SLC5A11: variants seen among roughly 807,000 people sequenced by gnomAD.
The protein encoded by SLC5A11 is solute carrier family 5 member 11.
In SLC5A11, 48 loss-of-function variants were observed where a neutral mutation model predicts 69.8. The ratio of observed to expected loss-of-function variants is 0.69; its 90% CI spans 0.55 to 0.87. The LOEUF (loss-of-function observed/expected upper bound fraction) is 0.87. SLC5A11 is among the 40% of genes least tolerant of loss of function. The pLI, the probability that SLC5A11 is intolerant of heterozygous loss-of-function variation, is 0.00. For synonymous variants in SLC5A11, 319 were observed against 342.4 expected (o/e 0.93, Z 0.75); for missense variants, 784 against 866.1 (o/e 0.91, Z 1.19).
chr16:24,906,196 C>G (rs975687007), intron 10 of SLC5A11, among the ~76,000 whole-genome samples: 1 of 151,936 alleles, frequency 6.6e-6, no homozygotes, highest in African/African-American at 2.4e-5. Context: ...CAAAAATTAG[C>G]CGGGCATGGT....
chr16:24,907,876 AC>A, intron 12 of SLC5A11, 86 bp from the exon 14 acceptor site: 2 of 1,542,298 alleles, frequency 1.3e-6, no homozygotes, highest in Non-Finnish European at 1.8e-6. Context: ...ACAGAACAAG[AC>A]CCTGTCTATT....
intron 9 of SLC5A11, among the ~76,000 whole-genome samples, chr16:24,895,855 G>C (rs1336489702): frequency 6.6e-6 from 1 of 152,126 alleles, no homozygotes; most frequent in African/African-American, 2.4e-5. Context: ...CAGTCCCATG[G>C]ACTCTGCAGA....
intron 1 of SLC5A11, among the ~76,000 whole-genome samples, chr16:24,856,001 G>T (rs939807634): frequency 1.8e-4 from 27 of 152,188 alleles, no homozygotes; most frequent in African/African-American, 5.8e-4. Context: ...CATCAAGGCT[G>T]CCCCCTGTCT....
chr16:24,870,118 C>T (rs911251979), intron 4 of SLC5A11, 113 bp downstream of exon 5: 14 of 732,922 alleles, frequency 1.9e-5, no homozygotes, highest in Admixed American at 2.3e-5. Flanking sequence ...TGGGGCCAGG[C>T]GCGGTGGCTC....
chr16:24,894,559 T>C (rs181215263), intron 9 of SLC5A11, among the ~76,000 whole-genome samples: 2 of 152,006 alleles, frequency 1.3e-5, no homozygotes, highest in Admixed American at 1.3e-4. Flanking sequence ...CCCAGCACTT[T>C]GGGAGGCTGA....
chr16:24,889,632 A>C (rs1355614081), intron 8 of SLC5A11, among the ~76,000 whole-genome samples: 1 of 133,512 alleles, frequency 7.5e-6, no homozygotes, highest in Non-Finnish European at 1.5e-5. Context: ...GCCTCACTGC[A>C]ACCTCTACCT....
intron 1 of SLC5A11, among the ~76,000 whole-genome samples, chr16:24,849,621 T>TATATATATATATATATATCTGC (rs1460290781): frequency 6.5e-5 from 8 of 123,716 alleles, no homozygotes; most frequent in African/African-American, 2.5e-4. Flanking sequence ...TATATATATA[T>TATATATATATATATATATCTGC]ATCCATGAGA....
At position 24,858,773 on chromosome 16, in the gene SLC5A11, C is replaced by CTA. The variant is rs777116291; in HGVS notation, c.132_133dup (p.Trp45TyrfsTer5). On this transcript the variant is annotated frameshift_variant, in exon 2 of 16. Transcript: ENST00000347898. LOFTEE classifies it high-confidence loss of function. ...CTTCCTCTTTGTCCTGGCTGTTGGA[C>CTA]TATGGGTAAGCCAGGCCACTGGGGG... 6.2e-7 allele frequency: 1 copy of CTA among 1,611,040 alleles called. No individual in the cohort carries two copies. Among genetic ancestry groups the CTA allele is most frequent in the Admixed American group, 1.7e-5 (1 of 59,670 alleles).
At chr16:24,892,361 C>T (rs556844115) in intron 9 of SLC5A11, among the ~76,000 whole-genome samples, 5 of 148,476 alleles carry the variant, frequency 3.4e-5, no homozygotes, top group South Asian at 2.1e-4. Context: ...ACACCCAGAG[C>T]GAGGCAGATA....
chr16:24,884,408 G>A (rs2048257433), intron 8 of SLC5A11, among the ~76,000 whole-genome samples: 2 of 152,022 alleles, frequency 1.3e-5, no homozygotes, highest in African/African-American at 4.8e-5. Context: ...ATTGCTCACT[G>A]CAGCCTTGAG....
chr16:24,884,735 T>G (rs1325767735), intron 8 of SLC5A11, among the ~76,000 whole-genome samples: 1 of 150,254 alleles, frequency 6.7e-6, no homozygotes, highest in African/African-American at 2.4e-5. Context: ...CTTACAGAGG[T>G]TTTTGTTGTT....
intron 1 of SLC5A11, among the ~76,000 whole-genome samples, chr16:24,849,689 C>G (rs952392493): frequency 1.4e-5 from 2 of 142,506 alleles, no homozygotes; most frequent in Admixed American, 7.1e-5. Flanking sequence ...TCTGTGATGT[C>G]TATTCTCTCT....
At chr16:24,908,811 A>G in intron 13 of SLC5A11, 70 bp from the exon 15 acceptor site, 1 of 1,470,402 alleles carries the variant, frequency 6.8e-7, no homozygotes, top group East Asian at 2.3e-5. Context: ...AGTCCTGGAG[A>G]TGGCTTCTTG....
intron 7 of SLC5A11, among the ~76,000 whole-genome samples, chr16:24,880,494 C>T (rs2047973365): frequency 6.6e-6 from 1 of 152,142 alleles, no homozygotes; most frequent in African/African-American, 2.4e-5. Flanking sequence ...GCCACCATGC[C>T]CAGCTAATTT....
Position 24,883,960 on chromosome 16 carries a change from C to A in SLC5A11, c.584-91C>A. 4.3e-6 allele frequency: 5 copies of A among 1,169,822 alleles called. No individual in the cohort carries two copies. In the South Asian group the frequency reaches 5.4e-5, roughly 13 times the overall value. The allele number at this position is 1,169,822 out of a possible 1,614,324, so 72.5% of individuals were successfully genotyped here. On this transcript the variant is annotated intron_variant, in intron 7 of 15. Coordinates refer to ENST00000347898, the Ensembl canonical transcript of SLC5A11. Reference sequence around the variant, plus strand: ...CAGTCAGCACTAAGAAATCTCCCATCGGGTCCTGGCCTTCCAGGTTCCCTT... The same window carrying A: ...CAGTCAGCACTAAGAAATCTCCCATAGGGTCCTGGCCTTCCAGGTTCCCTT...
chr16:24,875,581 T>C (rs763171867), intron 5 of SLC5A11, 46 bp from the exon 7 acceptor site: 2 of 1,525,014 alleles, frequency 1.3e-6, no homozygotes, highest in Non-Finnish European at 1.8e-6. Flanking sequence ...GGTCACGTGC[T>C]GGTGGTGAAG....
At chr16:24,891,234 T>G (rs2048782894) in intron 9 of SLC5A11, among the ~76,000 whole-genome samples, 160 bp downstream of exon 10, 1 of 152,156 alleles carries the variant, frequency 6.6e-6, no homozygotes, top group Admixed American at 6.5e-5. Flanking sequence ...TGCTATTTTA[T>G]TTCTTCCTCT....
chr16:24,877,363 G>GA lies in SLC5A11; in HGVS notation c.583_583+1insA (p.Gly195GlufsTer48). On this transcript the variant is annotated frameshift_variant and splice_region_variant. Transcript: ENST00000347898. LOFTEE classifies it high-confidence loss of function. ...CATCACTGCTGTATACACGGTTGCT[G>GA]GTAAGACTGAACAAAGGGTAACACC... 2.5e-6 allele frequency: 4 copies of GA among 1,611,978 alleles called. No homozygotes were observed. Among genetic ancestry groups the GA allele is most frequent in the Non-Finnish European group, 3.4e-6 (4 of 1,178,330 alleles).
intron 7 of SLC5A11, among the ~76,000 whole-genome samples, 179 bp downstream of exon 8, chr16:24,877,542 G>T (rs1034920224): frequency 6.6e-6 from 1 of 152,078 alleles, no homozygotes; most frequent in Non-Finnish European, 1.5e-5. Context: ...AAGGAAGGGG[G>T]TTACCTGATA....
Sources: allele counts gnomAD v4.1 joint callset (sites outside exome capture counted in the v4.1 genomes callset), GRCh38; gene constraint gnomAD v4.1.1; transcripts MANE v1.5; gene names NCBI Gene and HGNC (gene_info 2026-07-23, HGNC 2026-07-21).